The following BAAT variants were observed in gnomAD, a reference collection of about 807,000 sequenced individuals.
The protein encoded by BAAT is bile acid-CoA:amino acid N-acyltransferase.
A neutral mutation model predicts 18.9 loss-of-function variants in BAAT; 13 were observed. The observed-to-expected ratio is 0.69, with a 90% confidence interval of 0.45 to 1.10. The LOEUF (loss-of-function observed/expected upper bound fraction) is 1.10. Ranked by LOEUF, BAAT falls within the 50% of genes least tolerant of loss-of-function variation. The pLI is 0.00. For synonymous variants in BAAT, 170 were observed against 190.7 expected, an observed-to-expected ratio of 0.89 and a Z score of 0.89; for missense variants, 489 against 504.0, an observed-to-expected ratio of 0.97 and a Z score of 0.28.
chr9:101,373,200 G>A (rs1829985087), intron 1 of BAAT, among the ~76,000 whole-genome samples: 1 of 152,156 alleles, frequency 6.6e-6, no homozygotes, highest in Admixed American at 6.6e-5. Context: ...AATCTAGAAT[G>A]CATTGTTTCT....
In BAAT at chr9:101,362,584, G is replaced by C. The variant is rs770656783; in HGVS notation, c.1101C>G (p.Pro367=). 6.2e-7 allele frequency: 1 copy of C among 1,614,158 alleles called. No individual in the cohort carries two copies. ...YPGAGHLIEP[P]YSPLCCASTT... ...TTGAGGCACAGCACAGAGGAGAATA[G>C]GGAGGTTCTATCAGGTGGCCTGCCC... Residue 367 remains proline (P), a synonymous_variant, in exon 4 of 4, where the codon CCC becomes CCG. Transcript: ENST00000259407.
chr9:101,371,309 A>G lies in BAAT; in HGVS notation c.96T>C (p.Phe32=). The G allele has an allele frequency of 6.2e-7, 1 of 1,613,954 alleles. No individual in the cohort carries two copies. Among genetic ancestry groups the G allele is most frequent in the African/African-American group, 1.3e-5 (1 of 75,040 alleles). The change falls in exon 2 of 4, where the codon TTT becomes TTC. Residue 32 remains phenylalanine, a synonymous_variant. Transcript: ENST00000259407. ...CGTTTTCATCTTCCAGTGATGCCTG[A>G]AAACTCACCATCTGAAAGGGAATCA... ...TGLIPFQMVS[F]QASLEDENGD...
chr9:101,371,898 A>G (rs1829953482), intron 1 of BAAT, among the ~76,000 whole-genome samples: 1 of 152,162 alleles, frequency 6.6e-6, no homozygotes, highest in South Asian at 2.1e-4. Flanking sequence ...TGGAAACAGA[A>G]TGCCTTGCAT....
At chr9:101,372,281 C>T (rs1443322451) in intron 1 of BAAT, among the ~76,000 whole-genome samples, 1 of 105,576 alleles carries the variant, frequency 9.5e-6, no homozygotes, top group Non-Finnish European at 2.1e-5. Flanking sequence ...ACCCCCGATC[C>T]TAAAATGAAA....
chr9:101,365,667 G>A (rs1829813615), intron 3 of BAAT, among the ~76,000 whole-genome samples: 1 of 151,970 alleles, frequency 6.6e-6, no homozygotes, highest in African/African-American at 2.4e-5. Context: ...CTCCCGAGCT[G>A]GAACTACAGG....
At chr9:101,364,124 G>A (rs1231638102) in intron 3 of BAAT, among the ~76,000 whole-genome samples, 1 of 152,190 alleles carries the variant, frequency 6.6e-6, no homozygotes, top group Non-Finnish European at 1.5e-5. Flanking sequence ...AAGCTAATAT[G>A]ACCTTGATTT....
chr9:101,381,621 A>C (rs1466423192), intron 1 of BAAT, among the ~76,000 whole-genome samples: 2 of 152,206 alleles, frequency 1.3e-5, no homozygotes, highest in Non-Finnish European at 2.9e-5. Flanking sequence ...TCAGAAACAC[A>C]TTGTCAAAAA....
At chr9:101,369,994 T>G (rs1829902977) in intron 2 of BAAT, among the ~76,000 whole-genome samples, 1 of 152,176 alleles carries the variant, frequency 6.6e-6, no homozygotes, top group African/African-American at 2.4e-5. Context: ...TATGTAATAT[T>G]TATGAAGCTA....
chr9:101,367,534 G>A (rs1829851667), intron 3 of BAAT, among the ~76,000 whole-genome samples: 1 of 151,496 alleles, frequency 6.6e-6, no homozygotes, highest in Non-Finnish European at 1.5e-5. Flanking sequence ...ACCCAGGCTG[G>A]AGTACAGTGG....
At chr9:101,370,379 C>T (rs1246069886) in intron 2 of BAAT, among the ~76,000 whole-genome samples, 1 of 120,686 alleles carries the variant, frequency 8.3e-6, no homozygotes, top group African/African-American at 3.2e-5. Flanking sequence ...GTATCAGGAA[C>T]ATGGCTCACT....
intron 2 of BAAT, among the ~76,000 whole-genome samples, chr9:101,370,358 G>C (rs994418537): frequency 2.2e-5 from 3 of 137,020 alleles, no homozygotes; most frequent in African/African-American, 8.5e-5. Context: ...TGTCACCCAG[G>C]CTGGAGTGCA....
rs2229594 is a variant in BAAT at position 101,362,382 on chromosome 9, C to T, written c.*46G>A. The T allele has an allele frequency of 0.81, 1,284,860 of 1,581,680 alleles. 524,539 individuals are homozygous for T. The highest frequency in any genetic ancestry group is 0.85 in the Middle Eastern group (4,675 of 5,522). On this transcript the variant is annotated 3_prime_UTR_variant, in exon 4 of 4. Coordinates refer to ENST00000259407, the MANE Select transcript of BAAT (RefSeq NM_001701.4). The stretch of plus-strand genomic sequence containing the variant: ...CGCCATGAAAATTGAGAGAAGGTCC[C>T]GGTAAAGAGATTTGCTTCTTTATTT...
intron 1 of BAAT, among the ~76,000 whole-genome samples, chr9:101,377,901 G>T (rs1435024662): frequency 2.0e-5 from 3 of 152,080 alleles, no homozygotes; most frequent in African/African-American, 7.2e-5. Context: ...AGCAACTTCA[G>T]CAAAGTCTCA....
intron 1 of BAAT, among the ~76,000 whole-genome samples, chr9:101,373,525 C>A (rs563988189): frequency 6.6e-6 from 1 of 152,210 alleles, no homozygotes; most frequent in Non-Finnish European, 1.5e-5. Context: ...GCATGAGAGA[C>A]AAGAATGAAG....
chr9:101,380,011 T>G (rs908438183), intron 1 of BAAT, among the ~76,000 whole-genome samples: 1 of 152,214 alleles, frequency 6.6e-6, no homozygotes, highest in South Asian at 2.1e-4. Flanking sequence ...CCATTGCCAG[T>G]GCACTGCTGC....
chr9:101,384,110 T>G (rs970025647), intron 1 of BAAT, among the ~76,000 whole-genome samples: 1 of 152,144 alleles, frequency 6.6e-6, no homozygotes. Flanking sequence ...ATTTAAAAAG[T>G]GCAAACTTAA....
At chr9:101,366,122 CT>C (rs1483037037) in intron 3 of BAAT, among the ~76,000 whole-genome samples, 2 of 152,132 alleles carry the variant, frequency 1.3e-5, no homozygotes, top group Admixed American at 6.6e-5. Context: ...ACCTACCTTT[CT>C]CCCCCACCCC....
chr9:101,384,854 C>T lies in BAAT; in HGVS notation c.-60+1G>A, dbSNP rs992978973. 6.6e-6 allele frequency among the ~76,000 whole-genome samples: 1 copy of T among 151,986 alleles called. No individual in the cohort carries two copies. The highest frequency in any genetic ancestry group is 2.4e-5 in the African/African-American group (1 of 41,372). ...AGTAAGTAAATGAAAAAAATACATA[C>T]CTAGCAAGAGAACCTGCCCCCAAAA... On this transcript the variant is annotated splice_donor_variant, in intron 1 of 3. Coordinates refer to ENST00000259407, the MANE Select transcript of BAAT (RefSeq NM_001701.4). LOFTEE classifies it low-confidence loss of function (5UTR_SPLICE).
At chr9:101,370,320 C>A (rs940737948) in intron 2 of BAAT, among the ~76,000 whole-genome samples, 11 of 103,680 alleles carry the variant, frequency 1.1e-4, no homozygotes, top group African/African-American at 7.8e-5. Context: ...ATGCATTATC[C>A]TTTTTTTTTT....
Sources: allele counts gnomAD v4.1 joint callset (sites outside exome capture counted in the v4.1 genomes callset), GRCh38; gene constraint gnomAD v4.1.1; transcripts MANE v1.5; gene names NCBI Gene and HGNC (gene_info 2026-07-23, HGNC 2026-07-21).